IMMP2L: variants seen among roughly 807,000 people sequenced by gnomAD.
The protein encoded by IMMP2L is inner mitochondrial membrane peptidase subunit 2.
Under a neutral mutation model 19.3 loss-of-function variants are expected in IMMP2L, and 18 were observed. That is an observed-to-expected ratio of 0.93 (90% confidence interval 0.64 to 1.38). The LOEUF (loss-of-function observed/expected upper bound fraction) is 1.38, where lower values mean the gene tolerates loss of function less well. Among genes scored for constraint, IMMP2L ranks in the 40% most tolerant of loss-of-function variants. IMMP2L has a pLI of 0.00. For missense variants in IMMP2L, 233 were observed against 218.2 expected (o/e 1.07, Z -0.43); for synonymous variants, 76 against 73.0 (o/e 1.04, Z -0.21).
chr7:111,221,997 G>C (rs1317394225), intron 3 of IMMP2L, among the ~76,000 whole-genome samples: 2 of 151,894 alleles, frequency 1.3e-5, no homozygotes, highest in East Asian at 3.9e-4. Context: ...GGGATGATGG[G>C]GGAAAAGTAA....
intron 5 of IMMP2L, among the ~76,000 whole-genome samples, chr7:110,826,125 A>T (rs1803466806): frequency 6.6e-6 from 1 of 152,360 alleles, no homozygotes; most frequent in South Asian, 2.1e-4. Flanking sequence ...TGCAAATCAA[A>T]GCCACAATGA....
chr7:110,737,502 A>G (rs1008134120), intron 5 of IMMP2L, among the ~76,000 whole-genome samples: 3 of 152,160 alleles, frequency 2.0e-5, no homozygotes, highest in Non-Finnish European at 4.4e-5. Flanking sequence ...CATCTGCCAC[A>G]GCAGTCGCAG....
At chr7:111,221,761 T>C (rs1812542150) in intron 3 of IMMP2L, among the ~76,000 whole-genome samples, 1 of 151,966 alleles carries the variant, frequency 6.6e-6, no homozygotes, top group Admixed American at 6.6e-5. Flanking sequence ...AATCTTGAAA[T>C]TCATATATAA....
At chr7:111,231,700 T>A (rs1813732431) in intron 3 of IMMP2L, among the ~76,000 whole-genome samples, 1 of 152,006 alleles carries the variant, frequency 6.6e-6, no homozygotes, top group Admixed American at 6.6e-5. Context: ...ATTTTTTGAC[T>A]GAAAGTGAAT....
Position 111,195,404 on chromosome 7 carries a change from T to C in IMMP2L, c.240-231839A>G, listed in dbSNP as rs183369364. 6.1e-4 allele frequency among the ~76,000 whole-genome samples: 93 copies of C among 152,024 alleles called. 1 individual carries two copies. The East Asian group carries it at 0.016, about 26-fold the overall frequency. On this transcript the variant is annotated intron_variant, in intron 3 of 5. Transcript: ENST00000405709. The stretch of plus-strand genomic sequence containing the variant: ...TTATCAGCTGCTTCTAAAGACTAAG[T>C]TGAAAATATAAACTTGCAAGGAATA...
intron 3 of IMMP2L, among the ~76,000 whole-genome samples, chr7:111,211,978 CAG>C (rs965246261): frequency 2.0e-5 from 3 of 152,092 alleles, no homozygotes; most frequent in African/African-American, 7.2e-5. Flanking sequence ...GCCTGGGAGA[CAG>C]AGCAAGACTC....
At chr7:111,268,584 T>C (rs1398102941) in intron 3 of IMMP2L, among the ~76,000 whole-genome samples, 13 of 31,674 alleles carry the variant, frequency 4.1e-4, no homozygotes, top group African/African-American at 1.3e-3. Flanking sequence ...TTTTTTTTTT[T>C]TTTTTTTTTT....
At chr7:111,459,790 C>T (rs1029146452) in intron 3 of IMMP2L, among the ~76,000 whole-genome samples, 1 of 152,030 alleles carries the variant, frequency 6.6e-6, no homozygotes, top group East Asian at 1.9e-4. Context: ...AGAAATTCAC[C>T]GGGAACTCCC....
intron 5 of IMMP2L, among the ~76,000 whole-genome samples, chr7:110,821,373 T>A (rs1455115794): frequency 6.6e-6 from 1 of 152,022 alleles, no homozygotes; most frequent in Non-Finnish European, 1.5e-5. Context: ...TTCCTCAGAG[T>A]TTCACGTTTG....
intron 3 of IMMP2L, among the ~76,000 whole-genome samples, chr7:111,338,331 C>G (rs758582688): frequency 6.6e-6 from 1 of 151,828 alleles, no homozygotes; most frequent in Non-Finnish European, 1.5e-5. Context: ...CGTTCCTCCC[C>G]CCCTTTTTTT....
intron 3 of IMMP2L, among the ~76,000 whole-genome samples, chr7:110,985,072 A>G (rs6959033): frequency 0.042 from 6,325 of 152,168 alleles, 156 homozygotes; most frequent in Middle Eastern, 0.071. Flanking sequence ...AACTTTGAAG[A>G]TGGAAGAGGG....
At chr7:111,115,168 G>A (rs1489920523) in intron 3 of IMMP2L, among the ~76,000 whole-genome samples, 1 of 152,076 alleles carries the variant, frequency 6.6e-6, no homozygotes, top group African/African-American at 2.4e-5. Context: ...AGGCAAATCA[G>A]GCAATCAAAC....
chr7:111,060,412 T>C (rs1793914636), intron 3 of IMMP2L, among the ~76,000 whole-genome samples: 1 of 152,224 alleles, frequency 6.6e-6, no homozygotes, highest in Non-Finnish European at 1.5e-5. Context: ...AATGAAATAA[T>C]ACTCAAGAAT....
At chr7:110,851,255 T>C (rs984207248) in intron 5 of IMMP2L, among the ~76,000 whole-genome samples, 2 of 152,146 alleles carry the variant, frequency 1.3e-5, no homozygotes, top group African/African-American at 4.8e-5. Context: ...CACAAAGATT[T>C]ATATAAATAG....
At chr7:111,321,978 T>C (rs1040186867) in intron 3 of IMMP2L, among the ~76,000 whole-genome samples, 1 of 151,954 alleles carries the variant, frequency 6.6e-6, no homozygotes, top group Non-Finnish European at 1.5e-5. Context: ...ATGTTAAAAC[T>C]CAAATTATGT....
At chr7:110,806,180 A>T (rs1801619972) in intron 5 of IMMP2L, among the ~76,000 whole-genome samples, 1 of 152,034 alleles carries the variant, frequency 6.6e-6, no homozygotes, top group Non-Finnish European at 1.5e-5. Flanking sequence ...AAACCTATTT[A>T]TTGCATGTAT....
intron 5 of IMMP2L, among the ~76,000 whole-genome samples, chr7:110,732,948 G>A (rs1244273413): frequency 6.6e-6 from 1 of 151,936 alleles, no homozygotes; most frequent in African/African-American, 2.4e-5. Flanking sequence ...ACCACATCTG[G>A]CTAATTTTTA....
At chr7:111,549,770 A>G (rs1281889149) in intron 1 of IMMP2L, among the ~76,000 whole-genome samples, 1 of 151,986 alleles carries the variant, frequency 6.6e-6, no homozygotes, top group African/African-American at 2.4e-5. Flanking sequence ...TGAGACCTCC[A>G]TCTCTACTAA....
At chr7:111,227,928 T>C (rs1813281733) in intron 3 of IMMP2L, among the ~76,000 whole-genome samples, 1 of 152,136 alleles carries the variant, frequency 6.6e-6, no homozygotes, top group South Asian at 2.1e-4. Context: ...ACTTCTACTA[T>C]TAATCTGTTG....
Sources: allele counts gnomAD v4.1 joint callset (sites outside exome capture counted in the v4.1 genomes callset), GRCh38; gene constraint gnomAD v4.1.1; transcripts MANE v1.5; gene names NCBI Gene and HGNC (gene_info 2026-07-23, HGNC 2026-07-21).